Variants in GPC6 observed in about 807,000 individuals in gnomAD.
GPC6 encodes the protein glypican-6.
A neutral mutation model predicts 55.2 loss-of-function variants in GPC6; 14 were observed. That is an observed-to-expected ratio of 0.25 (90% CI 0.17 to 0.40). The LOEUF is 0.40. Among genes scored for constraint, GPC6 ranks in the 10% least tolerant of loss-of-function variants. The pLI is 1.00. For synonymous variants in GPC6, 278 were observed against 259.6 expected (o/e 1.07, Z -0.68); for missense variants, 641 against 708.5 (o/e 0.90, Z 1.08).
intron 7 of GPC6, 74 bp from the exon 8 acceptor site, chr13:94,398,390 GTT>G: frequency 9.0e-7 from 1 of 1,114,170 alleles, no homozygotes; most frequent in Non-Finnish European, 1.4e-6. Flanking sequence ...CAGTCATCTG[GTT>G]TTGCATGGCA....
At chr13:94,264,883 G>A (rs1388221555) in intron 4 of GPC6, among the ~76,000 whole-genome samples, 2 of 152,190 alleles carry the variant, frequency 1.3e-5, no homozygotes, top group South Asian at 2.1e-4. Context: ...CATGGCAGCA[G>A]GCAAGAGAGA....
chr13:93,975,679 G>C (rs1159735257), intron 3 of GPC6, among the ~76,000 whole-genome samples: 3 of 152,050 alleles, frequency 2.0e-5, no homozygotes, highest in Admixed American at 6.6e-5. Flanking sequence ...TCCTGATCCT[G>C]GTGTATATGT....
intron 3 of GPC6, among the ~76,000 whole-genome samples, chr13:94,007,835 A>G (rs1194083183): frequency 6.6e-6 from 1 of 152,098 alleles, no homozygotes; most frequent in East Asian, 1.9e-4. Flanking sequence ...TAGTGTTTAC[A>G]GGGACATTTC....
chr13:93,487,666 T>C (rs1264676593), intron 1 of GPC6, among the ~76,000 whole-genome samples: 1 of 152,218 alleles, frequency 6.6e-6, no homozygotes, highest in Non-Finnish European at 1.5e-5. Flanking sequence ...ATCATTTGTA[T>C]TGGAACACTG....
At chr13:93,805,532 A>G (rs1886518095) in intron 2 of GPC6, among the ~76,000 whole-genome samples, 2 of 152,182 alleles carry the variant, frequency 1.3e-5, no homozygotes, top group African/African-American at 4.8e-5. Context: ...TTAGACTATC[A>G]TATACTACAT....
chr13:93,831,030 G>T (rs60858156), intron 3 of GPC6: 5,782 of 157,858 alleles, frequency 0.037, 142 homozygotes, highest in South Asian at 0.064. Context: ...TGTCAATGTG[G>T]CCAAATTCCT....
At chr13:93,495,771 G>T (rs1880239663) in intron 1 of GPC6, among the ~76,000 whole-genome samples, 1 of 141,596 alleles carries the variant, frequency 7.1e-6, no homozygotes, top group Non-Finnish European at 1.5e-5. Flanking sequence ...AGGTCTGTTG[G>T]AATACCCTGC....
At chr13:93,489,579 A>C (rs202043367) in intron 1 of GPC6, among the ~76,000 whole-genome samples, 19 of 144,818 alleles carry the variant, frequency 1.3e-4, no homozygotes, top group Admixed American at 1.4e-4. Flanking sequence ...CCATTTTCAC[A>C]ATATTGATTC....
chr13:93,975,464 C>T (rs1332135785), intron 3 of GPC6, among the ~76,000 whole-genome samples: 2 of 152,088 alleles, frequency 1.3e-5, no homozygotes, highest in East Asian at 3.9e-4. Flanking sequence ...GGTTATGATT[C>T]AAGTCAACAG....
At chr13:93,245,637 G>A (rs1876572176) in intron 1 of GPC6, among the ~76,000 whole-genome samples, 1 of 152,172 alleles carries the variant, frequency 6.6e-6, no homozygotes, top group Admixed American at 6.5e-5. Flanking sequence ...CTCATACTCT[G>A]GTTGCCATTC....
chr13:93,386,231 G>T (rs151337575), intron 1 of GPC6, among the ~76,000 whole-genome samples: 69 of 152,196 alleles, frequency 4.5e-4, no homozygotes, highest in Non-Finnish European at 7.8e-4. Flanking sequence ...CATGGAAAAT[G>T]TATCTGTCCT....
At chr13:94,160,535 G>A (rs897069423) in intron 4 of GPC6, among the ~76,000 whole-genome samples, 1 of 152,184 alleles carries the variant, frequency 6.6e-6, no homozygotes, top group Non-Finnish European at 1.5e-5. Flanking sequence ...TAAAGTGTGG[G>A]GCCCTTCCAT....
intron 2 of GPC6, among the ~76,000 whole-genome samples, chr13:93,610,792 C>A (rs1375719005): frequency 2.0e-5 from 3 of 151,582 alleles, no homozygotes; most frequent in Admixed American, 2.0e-4. Flanking sequence ...CTTCTGTTTT[C>A]TATTTCATTT....
At chr13:94,137,106 G>A (rs1388556443) in intron 4 of GPC6, among the ~76,000 whole-genome samples, 2 of 152,166 alleles carry the variant, frequency 1.3e-5, no homozygotes, top group Non-Finnish European at 2.9e-5. Context: ...ATTTCTAGTT[G>A]ATCAATTGAA....
At chr13:93,622,012 G>A (rs1266971269) in intron 2 of GPC6, among the ~76,000 whole-genome samples, 1 of 151,724 alleles carries the variant, frequency 6.6e-6, no homozygotes, top group Non-Finnish European at 1.5e-5. Context: ...TTCCACCCCA[G>A]CTGCCACCCA....
chr13:93,473,050 A>G (rs1879180266), intron 1 of GPC6, among the ~76,000 whole-genome samples: 1 of 152,084 alleles, frequency 6.6e-6, no homozygotes, highest in African/African-American at 2.4e-5. Flanking sequence ...TGGGCCTCAC[A>G]TGGGAGGAAA....
intron 4 of GPC6, among the ~76,000 whole-genome samples, chr13:94,035,667 T>C (rs1298278515): frequency 6.6e-6 from 1 of 152,080 alleles, no homozygotes; most frequent in African/African-American, 2.4e-5. Context: ...AGCCTTATTT[T>C]AACCCAAATA....
intron 4 of GPC6, among the ~76,000 whole-genome samples, chr13:94,244,774 G>A (rs573068076): frequency 6.6e-5 from 10 of 152,014 alleles, no homozygotes; most frequent in Non-Finnish European, 1.2e-4. Context: ...CCCTTTTGCT[G>A]AAAAGAGGCA....
chr13:94,045,476 G>A (rs1883698350), intron 4 of GPC6, among the ~76,000 whole-genome samples: 1 of 151,870 alleles, frequency 6.6e-6, no homozygotes, highest in African/African-American at 2.4e-5. Flanking sequence ...CCACCTGGCA[G>A]TATGAAACAC....
Sources: allele counts gnomAD v4.1 joint callset (sites outside exome capture counted in the v4.1 genomes callset), GRCh38; gene constraint gnomAD v4.1.1; transcripts MANE v1.5; gene names NCBI Gene and HGNC (gene_info 2026-07-23, HGNC 2026-07-21).